Variants in SLC41A3 observed in about 807,000 individuals in gnomAD.
SLC41A3 encodes SLC41A1-like 2.
Under a neutral mutation model 45.4 loss-of-function variants are expected in SLC41A3, and 44 were observed. The observed-to-expected ratio is 0.97, with a 90% CI of 0.76 to 1.25. SLC41A3 has a LOEUF of 1.25. Among genes scored for constraint, SLC41A3 ranks in the 50% most tolerant of loss-of-function variants. The probability of loss-of-function intolerance (pLI) is 0.00; values close to 1 mark genes in which losing one functional copy is unlikely to be tolerated. For missense variants in SLC41A3, 550 were observed against 600.6 expected, an observed-to-expected ratio of 0.92 and a Z score of 0.88; for synonymous variants, 256 against 252.4, an observed-to-expected ratio of 1.01 and a Z score of -0.13.
chr3:126,081,425 C>A (rs59954492), intron 1 of SLC41A3, among the ~76,000 whole-genome samples: 100,220 of 152,122 alleles, frequency 0.66, 33,325 homozygotes, highest in Middle Eastern at 0.73. Context: ...AATAAGAAAT[C>A]GTGTTTGATG....
At chr3:126,029,460 C>A (rs1236870721) in intron 4 of SLC41A3, among the ~76,000 whole-genome samples, 1 of 151,918 alleles carries the variant, frequency 6.6e-6, no homozygotes, top group African/African-American at 2.4e-5. Flanking sequence ...CCTGAGGACT[C>A]CTCAGAAGCC....
chr3:126,080,952 G>GA (rs113603591), intron 1 of SLC41A3, among the ~76,000 whole-genome samples: 15,132 of 143,948 alleles, frequency 0.11, 1,302 homozygotes, highest in African/African-American at 0.24. Flanking sequence ...TTCCATCTCT[G>GA]AAAAAAAAAA....
chr3:126,072,374 A>T (rs1450673611), intron 1 of SLC41A3, among the ~76,000 whole-genome samples: 4 of 64,536 alleles, frequency 6.2e-5, no homozygotes, highest in Admixed American at 2.1e-4. Context: ...AAAAAAAATA[A>T]AAAAAAAAAA....
intron 1 of SLC41A3, among the ~76,000 whole-genome samples, chr3:126,093,909 C>T (rs114730185): frequency 7.2e-5 from 11 of 152,120 alleles, no homozygotes; most frequent in Non-Finnish European, 1.0e-4. Flanking sequence ...GTGGACATTT[C>T]GATCATTTCT....
At position 126,079,211 on chromosome 3, in the gene SLC41A3, A is replaced by AACAC. The variant is rs63385862; in HGVS notation, c.-28+4878_-28+4881dup. Among the ~76,000 whole-genome samples the AACAC allele has an allele frequency of 1.2e-3, 64 of 54,978 alleles. 1 individual carries two copies. In the South Asian group the frequency reaches 0.021, roughly 18 times the overall value. The allele number at this position is 54,978 out of a possible 152,430, so 36.1% of individuals were successfully genotyped here. A position where few individuals can be genotyped will look rare whatever the true frequency, so the allele number is the denominator to read the frequency against. ...GATTTAAACTCCTTAAGGTAAGGGA[A>AACAC]ACACACACACACACACACACACACA... On this transcript the variant is annotated intron_variant, in intron 1 of 10. Coordinates refer to ENST00000360370, the MANE Select transcript of SLC41A3 (RefSeq NM_017836.4).
chr3:126,067,728 C>T (rs762296258), intron 2 of SLC41A3: 21 of 601,746 alleles, frequency 3.5e-5, no homozygotes, highest in Middle Eastern at 2.6e-4. Context: ...CTACATCAAT[C>T]ATATGGGCTA....
At chr3:126,035,303 A>G (rs1297322209) in intron 3 of SLC41A3, among the ~76,000 whole-genome samples, 1 of 152,002 alleles carries the variant, frequency 6.6e-6, no homozygotes, top group Non-Finnish European at 1.5e-5. Flanking sequence ...GGTGGGATTT[A>G]GTATAGAGAA....
At chr3:126,044,223 T>C (rs1402197854) in intron 3 of SLC41A3, among the ~76,000 whole-genome samples, 4 of 152,226 alleles carry the variant, frequency 2.6e-5, no homozygotes, top group African/African-American at 9.6e-5. Flanking sequence ...TATGCAATGA[T>C]ACAAGGATGA....
chr3:126,056,540 G>A (rs1370294012), intron 2 of SLC41A3: 9 of 1,613,672 alleles, frequency 5.6e-6, no homozygotes, highest in Non-Finnish European at 7.6e-6. Context: ...AGATTCAGCT[G>A]GGTGACCACC....
upstream of SLC41A3, among the ~76,000 whole-genome samples, chr3:126,086,093 C>T (rs993275595): frequency 3.3e-5 from 5 of 151,648 alleles, no homozygotes; most frequent in Non-Finnish European, 7.4e-5. Flanking sequence ...TCAGTTCCTA[C>T]TTCTAAGAAA....
At chr3:126,046,485 C>T (rs1395558030) in intron 3 of SLC41A3, among the ~76,000 whole-genome samples, 1 of 151,682 alleles carries the variant, frequency 6.6e-6, no homozygotes. Context: ...CAAAAAAGAA[C>T]TAAGAAACAA....
At chr3:126,015,697 T>A in intron 7 of SLC41A3, 124 bp from the exon 8 acceptor site, 1 of 891,776 alleles carries the variant, frequency 1.1e-6, no homozygotes. Flanking sequence ...TCCTCTCCCC[T>A]ACACAAAATA....
intron 1 of SLC41A3, among the ~76,000 whole-genome samples, chr3:126,068,752 C>T (rs1313275573): frequency 6.6e-6 from 1 of 152,178 alleles, no homozygotes; most frequent in Non-Finnish European, 1.5e-5. Flanking sequence ...CCTGCAACTG[C>T]AGTGAGAGCC....
At chr3:126,016,632 C>G in intron 7 of SLC41A3, 99 bp downstream of exon 7, 2 of 1,453,056 alleles carry the variant, frequency 1.4e-6, no homozygotes, top group Non-Finnish European at 1.8e-6. Context: ...CTACATTTCA[C>G]TCCATTCCTG....
intron 2 of SLC41A3, among the ~76,000 whole-genome samples, chr3:126,063,517 G>A (rs146790230): frequency 2.6e-5 from 4 of 152,332 alleles, no homozygotes; most frequent in East Asian, 1.9e-4. Flanking sequence ...CAGCATAGGC[G>A]CCCTGGCCTG....
Position 126,007,192 on chromosome 3 carries a change from C to G in SLC41A3, c.1288G>C (p.Val430Leu). ...TILLYLAEVM[V>L]RLTWHQALDP... ...AGGGCCTGGTGCCAAGTCAGCCGAA[C>G]CATCACTTCTGCGAGGTACAGCAGG... Residue 430 changes from valine to leucine, a missense_variant, in exon 11 of 11, where the codon GTT becomes CTT. By Grantham distance (32) the Val-to-Leu change is conservative. Transcript: ENST00000360370. 4 of 1,614,042 alleles carry G rather than the reference C, an allele frequency of 2.5e-6. No homozygotes were observed. Among genetic ancestry groups the G allele is most frequent in the Non-Finnish European group, 2.5e-6 (3 of 1,179,912 alleles).
chr3:126,027,410 A>G (rs1254395378), intron 4 of SLC41A3, among the ~76,000 whole-genome samples: 3 of 152,056 alleles, frequency 2.0e-5, no homozygotes, highest in Admixed American at 6.5e-5. Context: ...CATGCTTGTA[A>G]GTTTCCTGGG....
chr3:126,054,434 T>C (rs754657452), intron 2 of SLC41A3, among the ~76,000 whole-genome samples: 2 of 152,246 alleles, frequency 1.3e-5, no homozygotes, highest in Admixed American at 6.5e-5. Flanking sequence ...AAGACACTCA[T>C]TTTAACATAA....
chr3:126,077,325 A>G (rs1944925046), intron 1 of SLC41A3, among the ~76,000 whole-genome samples: 1 of 152,182 alleles, frequency 6.6e-6, no homozygotes, highest in South Asian at 2.1e-4. Context: ...AGCTGCAGTG[A>G]GCTGAAATCG....
Sources: gnomAD v4.1 joint callset for allele counts (sites outside exome capture counted in the v4.1 genomes callset) on GRCh38, gnomAD v4.1.1 for gene constraint, MANE v1.5 for transcripts, NCBI Gene and HGNC (gene_info 2026-07-23, HGNC 2026-07-21) for gene names.